The following CAVIN4 variants were observed in gnomAD, a reference collection of about 807,000 sequenced individuals.
CAVIN4 encodes caveolae associated protein 4, also known as caveolae-associated protein 4.
In CAVIN4, 10 loss-of-function variants were observed where a neutral mutation model predicts 18.6. That is an observed-to-expected ratio of 0.54 (90% confidence interval 0.33 to 0.91). The LOEUF (loss-of-function observed/expected upper bound fraction) is 0.91, where lower values mean the gene tolerates loss of function less well. Among genes scored for constraint, CAVIN4 ranks in the 40% least tolerant of loss-of-function variants. CAVIN4 has a pLI of 0.02. For missense variants in CAVIN4, 459 were observed against 440.5 expected, an observed-to-expected ratio of 1.04 and a Z score of -0.38; for synonymous variants, 173 against 164.8, an observed-to-expected ratio of 1.05 and a Z score of -0.38.
chr9:100,578,429 G>T lies in CAVIN4; in HGVS notation c.286G>T (p.Val96Phe). The T allele has an allele frequency of 1.2e-6, 2 of 1,614,118 alleles. No individual in the cohort carries two copies. Among genetic ancestry groups the T allele is most frequent in the Non-Finnish European group, 1.7e-6 (2 of 1,179,998 alleles). ...CAAATTGTTTGAGAAAACCCGAAAAGTTAGTGCTCACATTAAAGATGTGAA... is the reference window on the plus strand; with the variant it reads ...CAAATTGTTTGAGAAAACCCGAAAATTTAGTGCTCACATTAAAGATGTGAA... ...INKLFEKTRK[V>F]SAHIKDVKAR... Residue 96 changes from valine (V) to phenylalanine (F), a missense_variant, in exon 1 of 2, where the codon GTT becomes TTT. Transcript: ENST00000307584.
At chr9:100,581,643 G>A (rs1376603923) in intron 1 of CAVIN4, among the ~76,000 whole-genome samples, 1 of 152,024 alleles carries the variant, frequency 6.6e-6, no homozygotes, top group African/African-American at 2.4e-5. Context: ...CTCCTGTTTT[G>A]TTTTACTTTA....
rs769699479 is a variant in CAVIN4, at chr9:100,578,308, A to AG, written c.166dup (p.Glu56GlyfsTer16). On this transcript the variant is annotated frameshift_variant, in exon 1 of 2. Transcript: ENST00000307584. LOFTEE classifies it high-confidence loss of function. Reference sequence around the variant, plus strand: ...TGCAGGCAAGCCAGAAGAGAATAGAAGAGAGACACAGGGAAATGGAAAATG... The same window carrying AG: ...TGCAGGCAAGCCAGAAGAGAATAGAAGGAGAGACACAGGGAAATGGAAAATG... 3 of 1,614,120 alleles carry AG rather than the reference A, an allele frequency of 1.9e-6. No homozygotes were observed. The highest frequency in any genetic ancestry group is 8.5e-7 in the Non-Finnish European group (1 of 1,179,996).
In CAVIN4 at chr9:100,587,802, A is replaced by AT. The variant is rs1308660918; in HGVS notation, c.*1353dup. On this transcript the variant is annotated 3_prime_UTR_variant, in exon 2 of 2. Transcript: ENST00000307584. ...CTACTCAGGAGGCTGAGACAGGAGAATTGCCTGAACCCAGGAGGCGGAGGT... is the reference window on the plus strand; with the variant it reads ...CTACTCAGGAGGCTGAGACAGGAGAATTTGCCTGAACCCAGGAGGCGGAGGT... 1 of 152,218 alleles carries AT rather than the reference A, an allele frequency of 6.6e-6. No homozygotes were observed. Among genetic ancestry groups the AT allele is most frequent in the Non-Finnish European group, 1.5e-5 (1 of 68,098 alleles). The allele number at this position is 152,218 out of a possible 1,614,324, so 9.4% of individuals were successfully genotyped here.
intron 1 of CAVIN4, chr9:100,581,510 A>G (rs1409374124): frequency 1.3e-5 from 2 of 152,272 alleles, no homozygotes; most frequent in Admixed American, 6.5e-5. Flanking sequence ...GAAGTCAACT[A>G]TAATTCAACA....
rs773396389 is a variant in CAVIN4, at chr9:100,586,231, T to A, written c.875T>A (p.Met292Lys). The change falls in exon 2 of 2, where the codon ATG becomes AAG. Residue 292 changes from methionine to lysine, a missense_variant. By Grantham distance (95) the Met-to-Lys change is moderately conservative (BLOSUM62 -1). Transcript: ENST00000307584. ...VAEGEECARE[M>K]GVDIIARSES... ...GAAGGTGAGGAATGTGCCAGGGAGA[T>A]GGGTGTGGACATCATTGCCAGGAGC... 2 of 1,567,016 alleles carry A rather than the reference T, an allele frequency of 1.3e-6. No homozygotes were observed. The highest frequency in any genetic ancestry group is 2.4e-5 in the South Asian group (2 of 82,510).
At chr9:100,585,382 A>G (rs1354913639) in intron 1 of CAVIN4, among the ~76,000 whole-genome samples, 1 of 152,148 alleles carries the variant, frequency 6.6e-6, no homozygotes, top group African/African-American at 2.4e-5. Context: ...AAGAAGTAGA[A>G]ATGGAGAGGA....
intron 1 of CAVIN4, 152 bp downstream of exon 1, chr9:100,578,703 C>T (rs1354564002): frequency 1.3e-6 from 1 of 796,026 alleles, no homozygotes; most frequent in African/African-American, 1.7e-5. Flanking sequence ...CAGGATAAAA[C>T]CATTTCTCTG....
At position 100,585,880 on chromosome 9, in the gene CAVIN4, A is replaced by C. The variant is rs1212449187; in HGVS notation, c.524A>C (p.Glu175Ala). The change falls in exon 2 of 2, where the codon GAA (glutamate) becomes GCA (alanine). Residue 175 changes from glutamate to alanine, a missense_variant. Glu to Ala is a moderately radical substitution (Grantham distance 107). Coordinates refer to ENST00000307584, the MANE Select transcript of CAVIN4 (RefSeq NM_001018116.2). ...CCCCCAGTAGATCTGTCTTCGGATG[A>C]AGAATATTATGTTGAAGAAAGCAGA... ...FDPPVDLSSD[E>A]EYYVEESRSA... 1 of 1,614,210 alleles carries C rather than the reference A, an allele frequency of 6.2e-7. No individual in the cohort carries two copies. Among genetic ancestry groups the C allele is most frequent in the East Asian group, 2.2e-5 (1 of 44,880 alleles).
intron 1 of CAVIN4, 28 bp from the exon 2 acceptor site, chr9:100,585,737 A>G (rs781740246): frequency 1.3e-6 from 2 of 1,569,900 alleles, no homozygotes. Flanking sequence ...AGGAAGCACT[A>G]ATATGCTTTG....
In CAVIN4 at chr9:100,586,358, C is replaced by T; in HGVS notation, c.1002C>T (p.Ile334=). The T allele has an allele frequency of 1.2e-6, 2 of 1,613,958 alleles. No individual in the cohort carries two copies. Among genetic ancestry groups the T allele is most frequent in the African/African-American group, 2.7e-5 (2 of 74,972 alleles). ...PVYPPHEGRE[I]PTPEPLKVTF... is the part of the protein sequence containing the mutation. ...ATCCTCCCCATGAAGGAAGGGAAAT[C>T]CCCACCCCCGAGCCTTTAAAAGTTA... is the stretch of plus-strand genomic sequence containing the variant. The change falls in exon 2 of 2, where the codon ATC becomes ATT. Residue 334 remains isoleucine (I), a synonymous_variant. Transcript: ENST00000307584.
At position 100,585,963 on chromosome 9, in the gene CAVIN4, T is replaced by C. The variant is rs374442582; in HGVS notation, c.607T>C (p.Ser203Pro). Residue 203 changes from serine (S) to proline (P), a missense_variant, in exon 2 of 2, where the codon TCC (serine) becomes CCC (proline). Ser to Pro is a moderately conservative substitution (Grantham distance 74). Transcript: ENST00000307584. ...EHIDNIKKAFSKENMQKTRQN... is the reference protein window; with the variant it reads ...EHIDNIKKAFPKENMQKTRQN... ...CATTGATAATATCAAGAAGGCATTT[T>C]CCAAAGAAAACATGCAGAAGACACG... The C allele has an allele frequency of 6.2e-7, 1 of 1,613,936 alleles. No individual in the cohort carries two copies. Among genetic ancestry groups the C allele is most frequent in the African/African-American group, 1.3e-5 (1 of 74,856 alleles).
chr9:100,584,275 A>G (rs902081906), intron 1 of CAVIN4, among the ~76,000 whole-genome samples: 1 of 152,176 alleles, frequency 6.6e-6, no homozygotes, highest in Non-Finnish European at 1.5e-5. Context: ...CTAACATGCT[A>G]TATAGATTTT....
chr9:100,585,875 G>A lies in CAVIN4; in HGVS notation c.519G>A (p.Ser173=), dbSNP rs145794010. The A allele has an allele frequency of 6.2e-6, 10 of 1,613,924 alleles. No homozygotes were observed. Among genetic ancestry groups the A allele is most frequent in the Non-Finnish European group, 5.1e-6 (6 of 1,179,934 alleles). ...TTGATCCCCCAGTAGATCTGTCTTC[G>A]GATGAAGAATATTATGTTGAAGAAA... The part of the protein sequence containing the change: ...DIFDPPVDLS[S]DEEYYVEESR... Residue 173 remains serine, a synonymous_variant, in exon 2 of 2, where the codon TCG becomes TCA. Coordinates refer to ENST00000307584, the MANE Select transcript of CAVIN4 (RefSeq NM_001018116.2).
upstream of CAVIN4, chr9:100,577,965 G>A (rs1287350489): frequency 3.4e-6 from 2 of 595,426 alleles, no homozygotes; most frequent in African/African-American, 3.7e-5. Context: ...TGCTTTGCAA[G>A]GGTTCAGATT....
chr9:100,582,846 A>T (rs542471399), intron 1 of CAVIN4, among the ~76,000 whole-genome samples: 1 of 152,214 alleles, frequency 6.6e-6, no homozygotes, highest in African/African-American at 2.4e-5. Context: ...ACCTAACTTG[A>T]CCTGAAATTA....
chr9:100,582,340 C>A (rs536690340), intron 1 of CAVIN4, among the ~76,000 whole-genome samples: 1 of 150,994 alleles, frequency 6.6e-6, no homozygotes, highest in Non-Finnish European at 1.5e-5. Flanking sequence ...ACCTCTTTCT[C>A]TCTCTCTCTC....
chr9:100,578,116 G>A lies in CAVIN4; in HGVS notation c.-28G>A. 2 of 1,611,864 alleles carry A rather than the reference G, an allele frequency of 1.2e-6. No individual in the cohort carries two copies. Among genetic ancestry groups the A allele is most frequent in the Non-Finnish European group, 1.7e-6 (2 of 1,179,210 alleles). On this transcript the variant is annotated 5_prime_UTR_variant, in exon 1 of 2. Coordinates refer to ENST00000307584, the MANE Select transcript of CAVIN4 (RefSeq NM_001018116.2). ...CAAGTGCCAGAATTGATTGTGGTTA[G>A]GACATCTTACGCTGAGAAATAAATA... is the stretch of plus-strand genomic sequence containing the variant.
chr9:100,579,039 A>T (rs1839401276), intron 1 of CAVIN4, among the ~76,000 whole-genome samples: 2 of 152,212 alleles, frequency 1.3e-5, no homozygotes, highest in Non-Finnish European at 2.9e-5. Flanking sequence ...TCAGAATGTG[A>T]TTTGTGTATT....
At position 100,578,120 on chromosome 9, in the gene CAVIN4, A is replaced by T. The variant is rs1430544525; in HGVS notation, c.-24A>T. 6.2e-7 allele frequency: 1 copy of T among 1,612,456 alleles called. No individual in the cohort carries two copies. The highest frequency in any genetic ancestry group is 8.5e-7 in the Non-Finnish European group (1 of 1,179,522). On this transcript the variant is annotated 5_prime_UTR_variant, in exon 1 of 2. Transcript: ENST00000307584. Reference sequence around the variant, plus strand: ...TGCCAGAATTGATTGTGGTTAGGACATCTTACGCTGAGAAATAAATAAAAT... The same window carrying T: ...TGCCAGAATTGATTGTGGTTAGGACTTCTTACGCTGAGAAATAAATAAAAT...
Sources: gnomAD v4.1 joint callset for allele counts (sites outside exome capture counted in the v4.1 genomes callset) on GRCh38, gnomAD v4.1.1 for gene constraint, MANE v1.5 for transcripts, NCBI Gene and HGNC (gene_info 2026-07-23, HGNC 2026-07-21) for gene names.